Variants in SCHIP1 observed in about 807,000 individuals in gnomAD.
The protein encoded by SCHIP1 is schwannomin interacting protein 1.
In SCHIP1, 8 loss-of-function variants were observed where a neutral mutation model predicts 29.7. That is an observed-to-expected ratio of 0.27 (90% confidence interval 0.16 to 0.49). The LOEUF (loss-of-function observed/expected upper bound fraction) is 0.49. SCHIP1 is among the 20% of genes least tolerant of loss of function. The pLI, the probability that SCHIP1 is intolerant of heterozygous loss-of-function variation, is 0.99. For synonymous variants in SCHIP1, 76 were observed against 94.9 expected (o/e 0.80, Z 1.16); for missense variants, 193 against 294.6 (o/e 0.66, Z 2.52).
chr3:159,776,954 C>G, the SCHIP1 span, among the ~76,000 whole-genome samples: 1 of 152,074 alleles, frequency 6.6e-6, no homozygotes, highest in East Asian at 1.9e-4. Context: ...ACCATGGTGT[C>G]CTGGAAGGTA....
the SCHIP1 span, among the ~76,000 whole-genome samples, chr3:159,335,786 T>C: frequency 2.0e-5 from 3 of 152,202 alleles, no homozygotes; most frequent in African/African-American, 7.2e-5. Flanking sequence ...CTATTGTGAA[T>C]AGTGCCGCAA....
the SCHIP1 span, among the ~76,000 whole-genome samples, chr3:159,539,541 T>C: frequency 7.4e-6 from 1 of 135,430 alleles, no homozygotes; most frequent in African/African-American, 2.6e-5. Flanking sequence ...GACCCACATA[T>C]TTCTGTCCCT....
the SCHIP1 span, among the ~76,000 whole-genome samples, chr3:159,502,526 GT>G: frequency 6.6e-6 from 1 of 151,886 alleles, no homozygotes; most frequent in Non-Finnish European, 1.5e-5. Context: ...AAGTTTTAGG[GT>G]ACATGTGCAC....
chr3:159,280,111 G>A, the SCHIP1 span, among the ~76,000 whole-genome samples: 1 of 151,738 alleles, frequency 6.6e-6, no homozygotes, highest in East Asian at 1.9e-4. Flanking sequence ...ATTATGAGAG[G>A]GTCTCAGATA....
At chr3:159,365,685 C>T in the SCHIP1 span, among the ~76,000 whole-genome samples, 1 of 152,086 alleles carries the variant, frequency 6.6e-6, no homozygotes, top group Non-Finnish European at 1.5e-5. Flanking sequence ...GTTTGTCTGT[C>T]AGTAGCCCTC....
chr3:159,473,305 A>G, the SCHIP1 span, among the ~76,000 whole-genome samples: 2 of 152,186 alleles, frequency 1.3e-5, no homozygotes, highest in African/African-American at 4.8e-5. Context: ...TTTTAAAAAT[A>G]TCACTATGGG....
the SCHIP1 span, among the ~76,000 whole-genome samples, chr3:159,326,076 C>G: frequency 1.3e-5 from 2 of 152,006 alleles, no homozygotes; most frequent in African/African-American, 2.4e-5. Flanking sequence ...ACTGTTATTC[C>G]CATTTTAAAG....
the SCHIP1 span, among the ~76,000 whole-genome samples, chr3:159,629,138 C>CAA: frequency 9.3e-5 from 14 of 150,374 alleles, no homozygotes; most frequent in African/African-American, 3.5e-4. Flanking sequence ...TGAAGTTAAA[C>CAA]AAAAACACAC....
chr3:159,365,373 G>A, the SCHIP1 span, among the ~76,000 whole-genome samples: 1 of 152,086 alleles, frequency 6.6e-6, no homozygotes, highest in Non-Finnish European at 1.5e-5. Flanking sequence ...GAAATTGACT[G>A]TCAGGGGCAT....
chr3:159,767,095 G>GA, the SCHIP1 span, among the ~76,000 whole-genome samples: 578 of 152,160 alleles, frequency 3.8e-3, 2 homozygotes, highest in African/African-American at 0.012. Context: ...GATGTATACA[G>GA]AAAAAAGGGA....
chr3:159,871,207 A>G (rs1478484922), intron 2 of SCHIP1, among the ~76,000 whole-genome samples: 1 of 151,976 alleles, frequency 6.6e-6, no homozygotes, highest in Non-Finnish European at 1.5e-5. Context: ...ATAAGACACT[A>G]AAAGCTGTTT....
At chr3:159,891,296 G>A (rs369821948) in intron 5 of SCHIP1, among the ~76,000 whole-genome samples, 16 of 152,196 alleles carry the variant, frequency 1.1e-4, no homozygotes, top group South Asian at 6.2e-4. Flanking sequence ...ACTCGAACCC[G>A]GGAGGTGGAG....
At chr3:159,572,703 T>A in the SCHIP1 span, among the ~76,000 whole-genome samples, 1 of 152,320 alleles carries the variant, frequency 6.6e-6, no homozygotes, top group African/African-American at 2.4e-5. Flanking sequence ...TGTCTGATAT[T>A]GACAGTGGGG....
the SCHIP1 span, among the ~76,000 whole-genome samples, chr3:159,681,535 C>A: frequency 6.6e-6 from 1 of 152,082 alleles, no homozygotes; most frequent in Non-Finnish European, 1.5e-5. Context: ...AAGTTTGTAT[C>A]CTTAAGGTTT....
intron 2 of SCHIP1, 90 bp from the exon 4 acceptor site, chr3:159,886,117 C>CT (rs1716936104): frequency 2.5e-5 from 35 of 1,409,824 alleles, no homozygotes; most frequent in Non-Finnish European, 3.5e-5. Flanking sequence ...CATAAGACTA[C>CT]TTTCTGTTAG....
the SCHIP1 span, among the ~76,000 whole-genome samples, chr3:159,516,627 A>C: frequency 6.6e-6 from 1 of 152,136 alleles, no homozygotes; most frequent in Non-Finnish European, 1.5e-5. Context: ...TCTCTCATCT[A>C]TCCCAAGATC....
chr3:159,533,345 G>A, the SCHIP1 span, among the ~76,000 whole-genome samples: 5 of 152,168 alleles, frequency 3.3e-5, no homozygotes, highest in South Asian at 4.1e-4. Context: ...ACACATAGGT[G>A]AAGGGGAGCA....
chr3:159,533,052 G>A, the SCHIP1 span, among the ~76,000 whole-genome samples: 3 of 152,218 alleles, frequency 2.0e-5, no homozygotes, highest in Non-Finnish European at 4.4e-5. Context: ...GATTATGCCT[G>A]TCTTATGGAG....
the SCHIP1 span, among the ~76,000 whole-genome samples, chr3:159,560,361 A>G: frequency 6.6e-6 from 1 of 152,156 alleles, no homozygotes; most frequent in Non-Finnish European, 1.5e-5. Context: ...GGCTTACGAG[A>G]GTGAATCTGA....
Sources: gnomAD v4.1 joint callset for allele counts (sites outside exome capture counted in the v4.1 genomes callset) on GRCh38, gnomAD v4.1.1 for gene constraint, MANE v1.5 for transcripts, NCBI Gene and HGNC (gene_info 2026-07-23, HGNC 2026-07-21) for gene names.